CEP128: variants seen among roughly 807,000 people sequenced by gnomAD.
CEP128 encodes centrosomal protein 128.
A neutral mutation model predicts 156.7 loss-of-function variants in CEP128; 132 were observed. The ratio of observed to expected loss-of-function variants is 0.84; its 90% CI spans 0.73 to 0.97. The LOEUF is 0.97. Ranked by LOEUF, CEP128 falls within the 50% of genes least tolerant of loss-of-function variation. The probability of loss-of-function intolerance (pLI) is 0.00; values close to 1 mark genes in which losing one functional copy is unlikely to be tolerated. For synonymous variants in CEP128, 469 were observed against 448.9 expected (o/e 1.04, Z -0.57); for missense variants, 1,252 against 1,281.9 (o/e 0.98, Z 0.36).
In CEP128 at chr14:80,840,780, G is replaced by C; in HGVS notation, c.763-12C>G. ...TGTTTCTTTAGTGCCTGGAATGAAA[G>C]AGGTGGAAAAAAATTATCCCAAAAT... On this transcript the variant is annotated splice_polypyrimidine_tract_variant and intron_variant, in intron 9 of 24. Transcript: ENST00000555265. The C allele has an allele frequency of 6.4e-7, 1 of 1,560,060 alleles. No individual in the cohort carries two copies. The highest frequency in any genetic ancestry group is 8.8e-7 in the Non-Finnish European group (1 of 1,134,412).
At chr14:80,681,565 G>A (rs536785902) in intron 19 of CEP128, among the ~76,000 whole-genome samples, 80 of 152,232 alleles carry the variant, frequency 5.3e-4, no homozygotes, top group African/African-American at 1.9e-3. Flanking sequence ...TGAATCACGG[G>A]GGTGGTTTCC....
intron 19 of CEP128, among the ~76,000 whole-genome samples, chr14:80,637,167 A>G (rs529067595): frequency 6.6e-6 from 1 of 152,240 alleles, no homozygotes; most frequent in South Asian, 2.1e-4. Flanking sequence ...CAGAGCTCTT[A>G]GAATAAAACT....
chr14:80,537,861 T>C (rs375044628), intron 21 of CEP128, among the ~76,000 whole-genome samples: 2 of 152,146 alleles, frequency 1.3e-5, no homozygotes, highest in African/African-American at 4.8e-5. Context: ...ATATGCTGCA[T>C]TGGAAATCAG....
intron 19 of CEP128, among the ~76,000 whole-genome samples, chr14:80,669,809 A>G (rs139800314): frequency 6.6e-6 from 1 of 152,334 alleles, no homozygotes; most frequent in East Asian, 1.9e-4. Context: ...GTAGGTATCT[A>G]TCTGTATGCC....
intron 19 of CEP128, among the ~76,000 whole-genome samples, chr14:80,729,535 TG>T (rs1566881493): frequency 2.0e-5 from 3 of 152,154 alleles, no homozygotes; most frequent in Admixed American, 1.3e-4. Context: ...AAATTCCCTC[TG>T]GGTAGATGCC....
intron 13 of CEP128, among the ~76,000 whole-genome samples, chr14:80,819,623 T>C (rs993245339): frequency 6.6e-6 from 1 of 152,168 alleles, no homozygotes; most frequent in African/African-American, 2.4e-5. Flanking sequence ...CCCAAGTCCC[T>C]ACCTCTAAAT....
At chr14:80,937,243 C>G (rs191161410) in intron 2 of CEP128, among the ~76,000 whole-genome samples, 3 of 152,222 alleles carry the variant, frequency 2.0e-5, no homozygotes, top group Admixed American at 1.3e-4. Flanking sequence ...ATTTCTCAAA[C>G]CTGGGAGGTA....
At chr14:80,516,647 T>C (rs374203991) in intron 23 of CEP128, among the ~76,000 whole-genome samples, 5 of 152,224 alleles carry the variant, frequency 3.3e-5, no homozygotes, top group African/African-American at 1.2e-4. Context: ...CCCTTCTGGC[T>C]ACTGCTTGTC....
chr14:80,789,360 A>G (rs1228528199), intron 14 of CEP128, among the ~76,000 whole-genome samples: 4 of 152,196 alleles, frequency 2.6e-5, no homozygotes, highest in South Asian at 2.1e-4. Flanking sequence ...AGGCTTGGAC[A>G]TGAAACAATT....
At chr14:80,723,069 GC>G (rs1897887403) in intron 19 of CEP128, among the ~76,000 whole-genome samples, 1 of 151,732 alleles carries the variant, frequency 6.6e-6, no homozygotes, top group Non-Finnish European at 1.5e-5. Flanking sequence ...CTTGTGATCC[GC>G]CCGCCTCGGC....
intron 7 of CEP128, among the ~76,000 whole-genome samples, chr14:80,897,675 C>T (rs1482789926): frequency 6.6e-6 from 1 of 152,206 alleles, no homozygotes; most frequent in African/African-American, 2.4e-5. Context: ...AAAACAGTAT[C>T]TTCAAACAAA....
chr14:80,634,181 T>G (rs1894085162), intron 19 of CEP128, among the ~76,000 whole-genome samples: 1 of 152,226 alleles, frequency 6.6e-6, no homozygotes, highest in Admixed American at 6.5e-5. Context: ...AATTGGTGTT[T>G]AAGATGTACT....
Position 80,667,587 on chromosome 14 carries a change from G to A in CEP128, c.2806+75488C>T, listed in dbSNP as rs565072420. On this transcript the variant is annotated intron_variant, in intron 19 of 24. Transcript: ENST00000555265. Reference sequence around the variant, plus strand: ...AATGAATTTCCTCGAGGCCGGGTGCGGTGGCTCACGCCTGTAATCCCAGCA... The same window carrying A: ...AATGAATTTCCTCGAGGCCGGGTGCAGTGGCTCACGCCTGTAATCCCAGCA... 2.1e-4 allele frequency among the ~76,000 whole-genome samples: 32 copies of A among 152,188 alleles called. No homozygotes were observed. The South Asian group carries it at 5.4e-3, about 26-fold the overall frequency.
chr14:80,813,858 T>C (rs984418575), intron 13 of CEP128, among the ~76,000 whole-genome samples: 5 of 152,210 alleles, frequency 3.3e-5, no homozygotes, highest in African/African-American at 1.2e-4. Flanking sequence ...TCTTTGTTCT[T>C]TGTTTCTCCT....
intron 8 of CEP128, among the ~76,000 whole-genome samples, chr14:80,874,068 A>C (rs1434826571): frequency 1.3e-5 from 2 of 152,196 alleles, no homozygotes; most frequent in Non-Finnish European, 2.9e-5. Context: ...GCATAAAAAT[A>C]AACTAATACA....
chr14:80,548,383 T>C (rs1282568277), intron 21 of CEP128, among the ~76,000 whole-genome samples: 1 of 152,184 alleles, frequency 6.6e-6, no homozygotes, highest in Non-Finnish European at 1.5e-5. Context: ...TAGTTTTTCA[T>C]TAAAGACTTT....
chr14:80,531,192 T>C (rs1889210177), intron 21 of CEP128, among the ~76,000 whole-genome samples: 1 of 152,220 alleles, frequency 6.6e-6, no homozygotes, highest in African/African-American at 2.4e-5. Context: ...TTCATATTAA[T>C]ATTAATTTAC....
At chr14:80,617,565 G>C (rs117444474) in intron 19 of CEP128, among the ~76,000 whole-genome samples, 4,275 of 152,160 alleles carry the variant, frequency 0.028, 77 homozygotes, top group Middle Eastern at 0.078. Context: ...AACATAAGGT[G>C]GGGGGTGGAC....
At chr14:80,763,047 C>G (rs1900049634) in intron 16 of CEP128, among the ~76,000 whole-genome samples, 1 of 152,136 alleles carries the variant, frequency 6.6e-6, no homozygotes, top group African/African-American at 2.4e-5. Context: ...GTCAGCATAA[C>G]CAGTACATTT....
Sources: allele counts gnomAD v4.1 joint callset (sites outside exome capture counted in the v4.1 genomes callset), GRCh38; gene constraint gnomAD v4.1.1; transcripts MANE v1.5; gene names NCBI Gene and HGNC (gene_info 2026-07-23, HGNC 2026-07-21).